ARHGAP15: variants seen among roughly 807,000 people sequenced by gnomAD.
ARHGAP15 encodes Rho GTPase activating protein 15.
A neutral mutation model predicts 63.7 loss-of-function variants in ARHGAP15; 51 were observed. The ratio of observed to expected loss-of-function variants is 0.80; its 90% CI spans 0.64 to 1.01. The LOEUF (loss-of-function observed/expected upper bound fraction) is 1.01. Among genes scored for constraint, ARHGAP15 ranks in the 50% least tolerant of loss-of-function variants. The pLI, the probability that ARHGAP15 is intolerant of heterozygous loss-of-function variation, is 0.00. For missense variants in ARHGAP15, 560 were observed against 564.6 expected, an observed-to-expected ratio of 0.99 and a Z score of 0.08; for synonymous variants, 191 against 193.8, an observed-to-expected ratio of 0.99 and a Z score of 0.12.
intron 5 of ARHGAP15, among the ~76,000 whole-genome samples, chr2:143,246,608 G>A (rs115887654): frequency 0.02 from 2,983 of 151,896 alleles, 91 homozygotes; most frequent in African/African-American, 0.068. Context: ...TCCAGTATTC[G>A]GGGATATGAG....
chr2:143,667,837 A>G (rs953373308), intron 12 of ARHGAP15, among the ~76,000 whole-genome samples: 1 of 151,794 alleles, frequency 6.6e-6, no homozygotes, highest in African/African-American at 2.4e-5. Flanking sequence ...AAAATACAAA[A>G]ATTAGCCAGG....
chr2:143,220,181 T>G (rs1439315800), intron 4 of ARHGAP15, among the ~76,000 whole-genome samples: 1 of 152,152 alleles, frequency 6.6e-6, no homozygotes, highest in Non-Finnish European at 1.5e-5. Flanking sequence ...TTAGAAGTTA[T>G]CATTGCAATA....
chr2:143,517,148 C>T (rs1039059724), intron 9 of ARHGAP15, among the ~76,000 whole-genome samples: 6 of 152,136 alleles, frequency 3.9e-5, no homozygotes, highest in Admixed American at 1.3e-4. Context: ...GGGGTTTCAC[C>T]ATGTTGGCCA....
chr2:143,345,596 G>T (rs549074337), intron 6 of ARHGAP15, among the ~76,000 whole-genome samples: 29 of 151,984 alleles, frequency 1.9e-4, no homozygotes, highest in Non-Finnish European at 3.8e-4. Flanking sequence ...CTAACATAAT[G>T]GTGTAAGCAC....
rs759623539 is a variant in ARHGAP15, at chr2:143,610,875, C to T, written c.1004-13258C>T. ...TCCCGAGTAGCTGGGACTACAGGCA[C>T]GCACCATCATGTCCGGCTAATTTTT... On this transcript the variant is annotated intron_variant, in intron 11 of 13. Transcript: ENST00000295095. Among the ~76,000 whole-genome samples the T allele has an allele frequency of 8.5e-5, 13 of 152,116 alleles. 1 individual carries two copies. Among genetic ancestry groups the T allele is most frequent in the South Asian group, 6.2e-4 (3 of 4,812 alleles).
At chr2:143,212,617 A>G (rs761362360) in intron 3 of ARHGAP15, among the ~76,000 whole-genome samples, 12 of 152,200 alleles carry the variant, frequency 7.9e-5, no homozygotes, top group Non-Finnish European at 1.5e-4. Flanking sequence ...AGACAAGACC[A>G]TCTGAGCTCT....
chr2:143,471,042 CACACATGTGTGCATATATACACAT>C (rs1201619681), intron 8 of ARHGAP15, among the ~76,000 whole-genome samples: 1 of 148,348 alleles, frequency 6.7e-6, no homozygotes, highest in African/African-American at 2.5e-5. Flanking sequence ...TATATGCACA[CACACATGTGTGCATATATACACAT>C]ATGATACACA....
chr2:143,529,576 A>T (rs1317018118), intron 10 of ARHGAP15, among the ~76,000 whole-genome samples: 1 of 152,022 alleles, frequency 6.6e-6, no homozygotes, highest in Non-Finnish European at 1.5e-5. Flanking sequence ...TAAGCATATG[A>T]CCTCTGTCTA....
intron 11 of ARHGAP15, among the ~76,000 whole-genome samples, chr2:143,580,183 G>T (rs980502672): frequency 4.0e-5 from 6 of 151,680 alleles, no homozygotes; most frequent in African/African-American, 1.5e-4. Context: ...TTAATTAGGG[G>T]CTAAAGACAG....
In ARHGAP15 at chr2:143,703,496, A is replaced by G. The variant is rs1231624891; in HGVS notation, c.1216A>G (p.Met406Val). 7 of 1,612,618 alleles carry G rather than the reference A, an allele frequency of 4.3e-6. No individual in the cohort carries two copies. Among genetic ancestry groups the G allele is most frequent in the South Asian group, 1.1e-5 (1 of 90,828 alleles). The change falls in exon 13 of 14, where the codon ATG becomes GTG. Residue 406 changes from methionine (M) to valine (V), a missense_variant. Coordinates refer to ENST00000295095, the MANE Select transcript of ARHGAP15 (RefSeq NM_018460.4). Reference sequence around the variant, plus strand: ...ACTCCCTCCGCCAAATCGTGACACCATGAAAGTCCTCTTTGGACATCTAAC... The same window carrying G: ...ACTCCCTCCGCCAAATCGTGACACCGTGAAAGTCCTCTTTGGACATCTAAC... ...QKLPPPNRDT[M>V]KVLFGHLTKI...
intron 12 of ARHGAP15, among the ~76,000 whole-genome samples, chr2:143,650,359 C>T (rs980385130): frequency 6.6e-6 from 1 of 151,946 alleles, no homozygotes; most frequent in Admixed American, 6.6e-5. Context: ...AGTTCCACCA[C>T]ATCAAACAAG....
intron 6 of ARHGAP15, among the ~76,000 whole-genome samples, chr2:143,416,820 C>T (rs1423561309): frequency 2.0e-5 from 1 of 50,264 alleles, no homozygotes; most frequent in Admixed American, 2.3e-4. Context: ...CTTCCCCCAC[C>T]ACCCCCCCAC....
chr2:143,392,798 C>T (rs1311033951), intron 6 of ARHGAP15, among the ~76,000 whole-genome samples: 1 of 152,012 alleles, frequency 6.6e-6, no homozygotes, highest in Non-Finnish European at 1.5e-5. Context: ...ATAATCTTGA[C>T]CTTTGGGTGA....
chr2:143,515,190 C>G (rs1361212218), intron 9 of ARHGAP15, among the ~76,000 whole-genome samples: 4 of 144,074 alleles, frequency 2.8e-5, no homozygotes, highest in Non-Finnish European at 6.0e-5. Context: ...TATATTAACC[C>G]CCCCACCCTC....
chr2:143,723,029 GATT>G (rs1406875936), intron 13 of ARHGAP15, among the ~76,000 whole-genome samples: 2 of 152,182 alleles, frequency 1.3e-5, no homozygotes, highest in African/African-American at 4.8e-5. Context: ...GGTCCCATGA[GATT>G]ATGACACTGA....
Position 143,417,650 on chromosome 2 carries a change from A to G in ARHGAP15, c.475-17951A>G, listed in dbSNP as rs571064025. Among the ~76,000 whole-genome samples, 34 of 152,322 alleles carry G rather than the reference A, an allele frequency of 2.2e-4. 1 individual carries two copies. In the South Asian group the frequency reaches 6.2e-3, roughly 28 times the overall value. ...AGGACTGAGCTTGTGAATGACGGGC[A>G]CAGATATGACCAAAGTGGTATCTGC... On this transcript the variant is annotated intron_variant, in intron 6 of 13. Coordinates refer to ENST00000295095, the MANE Select transcript of ARHGAP15 (RefSeq NM_018460.4).
chr2:143,533,879 C>T (rs1355051747), intron 10 of ARHGAP15, among the ~76,000 whole-genome samples: 3 of 152,176 alleles, frequency 2.0e-5, no homozygotes, highest in Non-Finnish European at 4.4e-5. Context: ...TCTAAGACCT[C>T]GTTAAGTCTG....
At chr2:143,210,580 C>G (rs774161357) in intron 3 of ARHGAP15, among the ~76,000 whole-genome samples, 9 of 152,044 alleles carry the variant, frequency 5.9e-5, no homozygotes, top group Non-Finnish European at 1.2e-4. Flanking sequence ...TTAAGACATT[C>G]AGCATAACCC....
At chr2:143,316,415 G>A (rs959316538) in intron 6 of ARHGAP15, among the ~76,000 whole-genome samples, 9 of 151,598 alleles carry the variant, frequency 5.9e-5, no homozygotes, top group African/African-American at 2.2e-4. Context: ...GCACTTGTGT[G>A]TGCCCACATC....
Sources: gnomAD v4.1 joint callset for allele counts (sites outside exome capture counted in the v4.1 genomes callset) on GRCh38, gnomAD v4.1.1 for gene constraint, MANE v1.5 for transcripts, NCBI Gene and HGNC (gene_info 2026-07-23, HGNC 2026-07-21) for gene names.